The following ARHGAP44 variants were observed in gnomAD, a reference collection of about 807,000 sequenced individuals.
The protein encoded by ARHGAP44 is rho GTPase-activating protein 44.
In ARHGAP44, 43 loss-of-function variants were observed where a neutral mutation model predicts 106.8. The ratio of observed to expected loss-of-function variants is 0.40; its 90% CI spans 0.32 to 0.52. ARHGAP44 has a LOEUF of 0.52. ARHGAP44 is among the 20% of genes least tolerant of loss of function. The pLI is 0.48. For synonymous variants in ARHGAP44, 439 were observed against 410.3 expected (o/e 1.07, Z -0.85); for missense variants, 866 against 1,050.5 (o/e 0.82, Z 2.43).
At chr17:12,921,849 A>T (rs1255889504) in intron 6 of ARHGAP44, among the ~76,000 whole-genome samples, 1 of 152,160 alleles carries the variant, frequency 6.6e-6, no homozygotes, top group African/African-American at 2.4e-5. Context: ...AGAAGCTGAT[A>T]CTGTAAGTAA....
At chr17:12,841,571 G>A (rs1021362952) in intron 1 of ARHGAP44, among the ~76,000 whole-genome samples, 3 of 122,840 alleles carry the variant, frequency 2.4e-5, no homozygotes, top group African/African-American at 9.0e-5. Flanking sequence ...AACAGAGTGA[G>A]ACCCTGTCTC....
chr17:12,973,280 C>A lies in ARHGAP44; in HGVS notation c.1524-22C>A, dbSNP rs769965619. On this transcript the variant is annotated intron_variant, in intron 16 of 20. Coordinates refer to ENST00000379672, the MANE Select transcript of ARHGAP44 (RefSeq NM_014859.6). ...GGCCTAGATTTTTTGAAACTAATAT[C>A]TGTATGTTTCTGTCCCTGCAGCCTT... 4 of 1,603,690 alleles carry A rather than the reference C, an allele frequency of 2.5e-6. No homozygotes were observed. The South Asian group carries it at 4.5e-5, about 18-fold the overall frequency.
intron 6 of ARHGAP44, among the ~76,000 whole-genome samples, chr17:12,920,105 A>ACG: frequency 6.6e-6 from 1 of 152,188 alleles, no homozygotes; most frequent in East Asian, 1.9e-4. Flanking sequence ...GGCCGGGTGC[A>ACG]GTGGCTCACA....
chr17:12,944,487 AT>A (rs149504036), intron 10 of ARHGAP44, among the ~76,000 whole-genome samples: 205 of 141,920 alleles, frequency 1.4e-3, no homozygotes, highest in South Asian at 2.2e-3. Flanking sequence ...GCATTCTGCT[AT>A]TTTTTTTTTT....
chr17:12,911,716 A>G (rs1384968039), intron 4 of ARHGAP44, among the ~76,000 whole-genome samples: 3 of 152,204 alleles, frequency 2.0e-5, no homozygotes, highest in Admixed American at 6.5e-5. Context: ...GAGCATCTCT[A>G]GAATGGGGGA....
chr17:12,935,010 C>A (rs1251605705), intron 7 of ARHGAP44, among the ~76,000 whole-genome samples: 2 of 152,122 alleles, frequency 1.3e-5, no homozygotes, highest in African/African-American at 4.8e-5. Context: ...AAGTTGCCTG[C>A]AGGCATCCTC....
At chr17:12,848,447 A>G (rs1335382384) in intron 1 of ARHGAP44, among the ~76,000 whole-genome samples, 2 of 152,030 alleles carry the variant, frequency 1.3e-5, no homozygotes, top group African/African-American at 2.4e-5. Flanking sequence ...CTCATTTCTC[A>G]CTTTTTATTA....
intron 1 of ARHGAP44, among the ~76,000 whole-genome samples, chr17:12,861,644 C>CTTTTTTTTTTTTTTT (rs71144930): frequency 0.035 from 2,367 of 67,306 alleles, 373 homozygotes; most frequent in African/African-American, 0.11. Context: ...TCCTCTTCCA[C>CTTTTTTTTTTTTTTT]TTTTTTTTTT....
intron 16 of ARHGAP44, among the ~76,000 whole-genome samples, chr17:12,972,879 T>G (rs935489935): frequency 6.6e-6 from 1 of 151,856 alleles, no homozygotes; most frequent in African/African-American, 2.4e-5. Context: ...GCCAGGATGG[T>G]CTCAATCTCC....
chr17:12,920,163 C>T (rs964338785), intron 6 of ARHGAP44, among the ~76,000 whole-genome samples: 2 of 152,026 alleles, frequency 1.3e-5, no homozygotes, highest in African/African-American at 4.8e-5. Context: ...ATCACAAGGT[C>T]AAGAGATCGA....
chr17:12,943,690 G>T, intron 9 of ARHGAP44, 21 bp downstream of exon 9: 1 of 1,610,122 alleles, frequency 6.2e-7, no homozygotes, highest in South Asian at 1.1e-5. Flanking sequence ...GCCTTCCCTG[G>T]AGAAGGGAGG....
chr17:12,979,981 G>A lies in ARHGAP44; in HGVS notation c.1764-77G>A, dbSNP rs1598156924. On this transcript the variant is annotated intron_variant, in intron 18 of 20. Transcript: ENST00000379672. ...GCACGGGGCCCAGAAGGACACACAGGGTGGCCATCGGCAAGGCTGGTGCTG... is the reference window on the plus strand; with the variant it reads ...GCACGGGGCCCAGAAGGACACACAGAGTGGCCATCGGCAAGGCTGGTGCTG... The A allele has an allele frequency of 8.4e-6, 12 of 1,428,668 alleles. No individual in the cohort carries two copies. The East Asian group carries it at 2.4e-4, about 29-fold the overall frequency. 88.5% of individuals were successfully genotyped at this position (1,428,668 alleles called of 1,614,324 possible).
At chr17:12,934,535 C>G (rs765629342) in intron 7 of ARHGAP44, among the ~76,000 whole-genome samples, 3 of 152,144 alleles carry the variant, frequency 2.0e-5, no homozygotes, top group Non-Finnish European at 2.9e-5. Context: ...ATCCCTTCTG[C>G]CAAAAGTATC....
At chr17:12,806,275 G>A (rs1410419926) in intron 1 of ARHGAP44, among the ~76,000 whole-genome samples, 1 of 152,178 alleles carries the variant, frequency 6.6e-6, no homozygotes, top group Non-Finnish European at 1.5e-5. Context: ...GAGACCTGAA[G>A]GGGAAAGCAT....
intron 1 of ARHGAP44, among the ~76,000 whole-genome samples, chr17:12,808,581 C>T (rs1953280690): frequency 6.6e-6 from 1 of 152,206 alleles, no homozygotes; most frequent in Non-Finnish European, 1.5e-5. Context: ...TCTCTTTTAG[C>T]CATGGCTGGG....
At chr17:12,898,800 C>T (rs2037290023) in intron 3 of ARHGAP44, among the ~76,000 whole-genome samples, 2 of 152,168 alleles carry the variant, frequency 1.3e-5, no homozygotes, top group African/African-American at 4.8e-5. Context: ...AGGACGTACA[C>T]TATCTGGCTT....
intron 1 of ARHGAP44, among the ~76,000 whole-genome samples, chr17:12,864,663 T>TC (rs1270522377): frequency 6.6e-6 from 1 of 152,092 alleles, no homozygotes; most frequent in Non-Finnish European, 1.5e-5. Context: ...TAACACGAAG[T>TC]TATGAGCACA....
intron 12 of ARHGAP44, among the ~76,000 whole-genome samples, chr17:12,951,859 G>T (rs1438781092): frequency 3.3e-5 from 5 of 152,138 alleles, no homozygotes; most frequent in Admixed American, 3.3e-4. Flanking sequence ...ATTGAATTGG[G>T]CTGGGTTCTG....
At chr17:12,910,119 A>G (rs940933240) in intron 4 of ARHGAP44, among the ~76,000 whole-genome samples, 2 of 152,212 alleles carry the variant, frequency 1.3e-5, no homozygotes, top group African/African-American at 4.8e-5. Flanking sequence ...GCAGATTTGA[A>G]GAAGATACTA....
Sources: allele counts gnomAD v4.1 joint callset (sites outside exome capture counted in the v4.1 genomes callset), GRCh38; gene constraint gnomAD v4.1.1; transcripts MANE v1.5; gene names NCBI Gene and HGNC (gene_info 2026-07-23, HGNC 2026-07-21).